Variants in MCF2 observed in about 807,000 individuals in gnomAD.
MCF2 encodes proto-oncogene DBL.
In MCF2, 44 loss-of-function variants were observed where a neutral mutation model predicts 82.5. The observed-to-expected ratio is 0.53, with a 90% CI of 0.42 to 0.69. MCF2 has a LOEUF of 0.69. Ranked by LOEUF, MCF2 falls within the 30% of genes least tolerant of loss-of-function variation. The pLI, the probability that MCF2 is intolerant of heterozygous loss-of-function variation, is 0.00. For synonymous variants in MCF2, 217 were observed against 224.9 expected, an observed-to-expected ratio of 0.96 and a Z score of 0.32; for missense variants, 623 against 663.1, an observed-to-expected ratio of 0.94 and a Z score of 0.66.
intron 1 of MCF2, among the ~76,000 whole-genome samples, chrX:139,640,372 G>A (rs1933492501): frequency 9.0e-6 from 1 of 111,151 alleles, no homozygotes; most frequent in African/African-American, 3.3e-5. Flanking sequence ...GCAACAGTAT[G>A]AGCCACTTCC....
chrX:139,706,385 A>G (rs2148591366), intron 1 of MCF2, among the ~76,000 whole-genome samples: 1 of 112,607 alleles, frequency 8.9e-6, no homozygotes, highest in African/African-American at 3.2e-5. Context: ...AGGCAGCCAT[A>G]AAAAAGAAAG....
At chrX:139,668,015 A>G (rs749465991) in intron 1 of MCF2, among the ~76,000 whole-genome samples, 56 of 111,958 alleles carry the variant, frequency 5.0e-4, no homozygotes, top group African/African-American at 1.8e-3. Flanking sequence ...CCCCAGCTGT[A>G]GGAGCCCCAT....
chrX:139,626,142 A>T, intron 6 of MCF2, 51 bp downstream of exon 9: 1 of 792,157 alleles, frequency 1.3e-6, no homozygotes, highest in Non-Finnish European at 1.8e-6. Context: ...TTAAGGAGTA[A>T]AAACCTCTGG....
Position 139,613,268 on chromosome X carries a change from A to G in MCF2, c.1363+1613T>C, listed in dbSNP as rs1316335968. 1.8e-6 allele frequency: 2 copies of G among 1,138,866 alleles called. No individual in the cohort carries two copies. The highest frequency in any genetic ancestry group is 3.6e-5 in the African/African-American group (2 of 55,101). 93.9% of individuals were successfully genotyped at this position (1,138,866 alleles called of 1,213,427 possible). A position where few individuals can be genotyped will look rare whatever the true frequency, so the allele number is the denominator to read the frequency against. ...AGAAAGAGTATCCAACTCCCACTGC[A>G]GAAGGAAATTGTAACGCCATTAAAT... On this transcript the variant is annotated intron_variant, in intron 10 of 24. Transcript: ENST00000370576.
intron 1 of MCF2, among the ~76,000 whole-genome samples, chrX:139,695,036 T>C (rs1457886798): frequency 2.8e-5 from 3 of 107,603 alleles, no homozygotes; most frequent in Admixed American, 1.0e-4. Context: ...TTCTTTCTTT[T>C]TTTTTTTTTT....
chrX:139,638,775 T>A (rs773751152), intron 1 of MCF2, among the ~76,000 whole-genome samples: 2 of 111,937 alleles, frequency 1.8e-5, no homozygotes, highest in Non-Finnish European at 3.8e-5. Context: ...TGAACATCAA[T>A]CAATATCAAT....
At chrX:139,685,278 A>G (rs911621636) in intron 1 of MCF2, among the ~76,000 whole-genome samples, 11 of 110,937 alleles carry the variant, frequency 9.9e-5, no homozygotes, top group South Asian at 3.9e-4. Context: ...CTTATGCCCA[A>G]TTTCTGCCTC....
intron 16 of MCF2, among the ~76,000 whole-genome samples, chrX:139,600,849 C>T (rs1316647655): frequency 3.6e-5 from 4 of 110,589 alleles, no homozygotes; most frequent in Admixed American, 1.9e-4. Flanking sequence ...GTAATAGGAA[C>T]CAAACAAAGA....
chrX:139,681,488 A>G (rs1031000012), intron 1 of MCF2, among the ~76,000 whole-genome samples: 1 of 112,385 alleles, frequency 8.9e-6, no homozygotes, highest in East Asian at 2.8e-4. Flanking sequence ...TTTGTGCTCT[A>G]TGAAAGGGAA....
intron 6 of MCF2, 91 bp from the exon 10 acceptor site, chrX:139,619,797 G>T: frequency 1.5e-6 from 1 of 651,990 alleles, no homozygotes; most frequent in South Asian, 4.6e-5. Flanking sequence ...CAAAAATATT[G>T]ACATGGAGAA....
chrX:139,663,459 C>T (rs745851945), intron 1 of MCF2, among the ~76,000 whole-genome samples: 1 of 110,914 alleles, frequency 9.0e-6, no homozygotes, highest in Non-Finnish European at 1.9e-5. Flanking sequence ...AACTTTTATT[C>T]TAGGTTTGGA....
At chrX:139,627,921 A>G (rs1440343364) in intron 4 of MCF2, among the ~76,000 whole-genome samples, 1 of 112,040 alleles carries the variant, frequency 8.9e-6, no homozygotes, top group Non-Finnish European at 1.9e-5. Flanking sequence ...TCAAACCACA[A>G]TGAGATACCA....
At chrX:139,616,611 A>G (rs1931933094) in intron 8 of MCF2, 138 bp from the exon 12 acceptor site, 1 of 333,897 alleles carries the variant, frequency 3.0e-6, no homozygotes, top group Admixed American at 5.2e-5. Flanking sequence ...AAAAAAAAAG[A>G]TATCTGGGTT....
Position 139,610,355 on chromosome X carries a change from AAAG to A in MCF2, c.1364-20_1364-18del. On this transcript the variant is annotated intron_variant, in intron 10 of 24. Transcript: ENST00000370576. ...TCTTCTTCCCTGGTAGAGAAATGTG[AAAG>A]AAGAATTTCAAACCAGAATTAAAGT... The A allele has an allele frequency of 8.8e-7, 1 of 1,141,439 alleles. No individual in the cohort carries two copies. The highest frequency in any genetic ancestry group is 1.2e-6 in the Non-Finnish European group (1 of 841,936). 94.1% of individuals were successfully genotyped at this position (1,141,439 alleles called of 1,213,427 possible).
upstream of MCF2, among the ~76,000 whole-genome samples, chrX:139,647,723 T>C (rs1033717319): frequency 1.8e-5 from 2 of 111,436 alleles, no homozygotes; most frequent in Non-Finnish European, 3.8e-5. Context: ...GCTCTGGGCT[T>C]TCATTTTGGT....
chrX:139,585,099 A>G lies in MCF2; in HGVS notation c.2712T>C (p.Tyr904=), dbSNP rs367580262. ...GCCTATTTTCTTCTTCATTTTCATC[A>G]TAAGTAGGGTAGAAATAGTTGCTTG... Residue 904 remains tyrosine, a synonymous_variant, in exon 24 of 25, where the codon TAT becomes TAC. Coordinates refer to ENST00000370576, the Ensembl canonical transcript of MCF2. The G allele has an allele frequency of 8.3e-6, 10 of 1,200,881 alleles. No homozygotes were observed. The African/African-American group carries it at 1.2e-4, about 15-fold the overall frequency.
At chrX:139,659,189 C>T (rs1249056055) in intron 1 of MCF2, among the ~76,000 whole-genome samples, 3 of 110,096 alleles carry the variant, frequency 2.7e-5, no homozygotes, top group Non-Finnish European at 5.7e-5. Context: ...TCGGGAGGCC[C>T]GGCAGGAGAA....
intron 1 of MCF2, among the ~76,000 whole-genome samples, chrX:139,638,571 T>C (rs774309644): frequency 5.8e-4 from 65 of 111,737 alleles, no homozygotes; most frequent in Non-Finnish European, 1.1e-3. Context: ...CATGTTGTCA[T>C]GTGGCAAGGT....
At chrX:139,649,739 A>G (rs1340411877) in intron 2 of MCF2, among the ~76,000 whole-genome samples, 1 of 111,984 alleles carries the variant, frequency 8.9e-6, no homozygotes, top group African/African-American at 3.2e-5. Flanking sequence ...AAAGGAAGCT[A>G]TAGGTAGAAG....
Sources: allele counts gnomAD v4.1 joint callset (sites outside exome capture counted in the v4.1 genomes callset), GRCh38; gene constraint gnomAD v4.1.1; transcripts MANE v1.5; gene names NCBI Gene and HGNC (gene_info 2026-07-23, HGNC 2026-07-21).